The following SELENBP1 variants were observed in gnomAD, a reference collection of about 807,000 sequenced individuals.
SELENBP1 encodes methanethiol oxidase.
Under a neutral mutation model 61.0 loss-of-function variants are expected in SELENBP1, and 71 were observed. The ratio of observed to expected loss-of-function variants is 1.16; its 90% CI spans 0.96 to 1.42. The LOEUF is 1.42. SELENBP1 is among the 40% of genes most tolerant of loss of function. The pLI is 0.00. For missense variants in SELENBP1, 561 were observed against 605.0 expected, an observed-to-expected ratio of 0.93 and a Z score of 0.76; for synonymous variants, 270 against 238.9, an observed-to-expected ratio of 1.13 and a Z score of -1.20.
intron 1 of SELENBP1, among the ~76,000 whole-genome samples, chr1:151,371,952 G>A (rs1364903039): frequency 6.6e-6 from 1 of 152,254 alleles, no homozygotes; most frequent in African/African-American, 2.4e-5. Context: ...GGTTTTCCAT[G>A]TCAGGCTGGC....
At chr1:151,368,041 C>T (rs1440131787) in intron 5 of SELENBP1, among the ~76,000 whole-genome samples, 158 bp downstream of exon 5, 1 of 152,214 alleles carries the variant, frequency 6.6e-6, no homozygotes, top group Admixed American at 6.5e-5. Flanking sequence ...ACTGAAGTTA[C>T]TTGCTAACAT....
rs188188128 is a variant in SELENBP1 at position 151,368,940 on chromosome 1, C to A, written c.360+64G>T. The A allele has an allele frequency of 3.8e-4, 578 of 1,520,090 alleles. 1 individual carries two copies. In the East Asian group the frequency reaches 0.01, roughly 27 times the overall value. The allele number at this position is 1,520,090 out of a possible 1,614,324, so 94.2% of individuals were successfully genotyped here. A position where few individuals can be genotyped will look rare whatever the true frequency, so the allele number is the denominator to read the frequency against. Reference sequence around the variant, plus strand: ...GCTGGTTTAGGTCTGGCTTCCTGCCCGTAGACTACCTGGGGTGGCAGGTGT... The same window carrying A: ...GCTGGTTTAGGTCTGGCTTCCTGCCAGTAGACTACCTGGGGTGGCAGGTGT... On this transcript the variant is annotated intron_variant, in intron 4 of 11. Coordinates refer to ENST00000368868, the MANE Select transcript of SELENBP1 (RefSeq NM_003944.4).
At chr1:151,370,281 A>T in intron 1 of SELENBP1, 1 of 204,832 alleles carries the variant, frequency 4.9e-6, no homozygotes. Context: ...GCTGTTCTTG[A>T]GGAGCTGCTC....
At position 151,366,221 on chromosome 1, in the gene SELENBP1, G is replaced by A. The variant is rs930217182; in HGVS notation, c.843+54C>T. ...GAGCACCGTTACAGAAGCCTGCTTA[G>A]GTAGAGCTGCTGACAAGACTACTGG... On this transcript the variant is annotated intron_variant, in intron 7 of 11. Transcript: ENST00000368868. The A allele has an allele frequency of 3.2e-6, 5 of 1,579,298 alleles. No individual in the cohort carries two copies. In the African/African-American group the frequency reaches 4.1e-5, roughly 13 times the overall value.
At position 151,371,424 on chromosome 1, in the gene SELENBP1, A is replaced by T. The variant is rs58616056; in HGVS notation, c.4+1214T>A. 9.5e-3 allele frequency among the ~76,000 whole-genome samples: 1,439 copies of T among 151,978 alleles called. 24 individuals are homozygous for T. Among genetic ancestry groups the T allele is most frequent in the African/African-American group, 0.029 (1,205 of 41,406 alleles). On this transcript the variant is annotated intron_variant, in intron 1 of 11. Coordinates refer to ENST00000368868, the MANE Select transcript of SELENBP1 (RefSeq NM_003944.4). ...TGAAATTCTGACTAAAAAAAAAAAA[A>T]AATAATGAATTACTGTGTAAATATG...
At position 151,365,577 on chromosome 1, in the gene SELENBP1, G is replaced by A. The variant is rs774725499; in HGVS notation, c.1030C>T (p.Arg344Cys). The A allele has an allele frequency of 5.0e-6, 8 of 1,613,950 alleles. No individual in the cohort carries two copies. Among genetic ancestry groups the A allele is most frequent in the African/African-American group, 1.3e-5 (1 of 74,856 alleles). Residue 344 changes from arginine (R) to cysteine (C), a missense_variant, in exon 9 of 12, where the codon CGC becomes TGC. Physicochemically the swap from Arg to Cys is radical, Grantham distance 180. Coordinates refer to ENST00000368868, the MANE Select transcript of SELENBP1 (RefSeq NM_003944.4). ...QYDISDPQRPRLTGQLFLGGS... is the reference protein window; with the variant it reads ...QYDISDPQRPCLTGQLFLGGS... ...AGGGTCTCCACCTGTCCTGTGAGGC[G>A]GGGTCTCTGTGGGTCAGAGATGTCA...
rs141232881 is a variant in SELENBP1, at chr1:151,368,938, C to T, written c.360+66G>A. On this transcript the variant is annotated intron_variant, in intron 4 of 11. Transcript: ENST00000368868. ...CTGCTGGTTTAGGTCTGGCTTCCTG[C>T]CCGTAGACTACCTGGGGTGGCAGGT... is the stretch of plus-strand genomic sequence containing the variant. The T allele has an allele frequency of 7.2e-4, 1,090 of 1,515,274 alleles. 10 individuals are homozygous for T. In the African/African-American group the frequency reaches 0.012, roughly 17 times the overall value. 93.9% of individuals were successfully genotyped at this position (1,515,274 alleles called of 1,614,324 possible).
chr1:151,366,076 G>T, intron 7 of SELENBP1, 199 bp downstream of exon 7: 2 of 761,464 alleles, frequency 2.6e-6, no homozygotes, highest in Non-Finnish European at 4.3e-6. Context: ...CATTCACTAA[G>T]TAGTTTTTGA....
At chr1:151,365,540 G>A (rs1651763455) in intron 9 of SELENBP1, 23 bp downstream of exon 9, 1 of 1,613,408 alleles carries the variant, frequency 6.2e-7, no homozygotes, top group Non-Finnish European at 8.5e-7. Context: ...CTTCCCTTCT[G>A]CTCCTCCTGC....
Position 151,364,923 on chromosome 1 carries a change from C to T in SELENBP1, c.1256+3G>A, listed in dbSNP as rs1651717026. 6.2e-6 allele frequency: 10 copies of T among 1,612,680 alleles called. No individual in the cohort carries two copies. The highest frequency in any genetic ancestry group is 8.5e-6 in the Non-Finnish European group (10 of 1,178,756). ...GAGGAGAGCCCATGTGTCTGCTTCT[C>T]ACCTGATGAGATCAGGGTAAAACTG... On this transcript the variant is annotated splice_donor_region_variant and intron_variant, in intron 11 of 11. Transcript: ENST00000368868.
intron 2 of SELENBP1, 55 bp downstream of exon 2, chr1:151,369,658 C>T (rs1273793531): frequency 3.2e-6 from 5 of 1,544,958 alleles, no homozygotes; most frequent in Non-Finnish European, 4.4e-6. Context: ...AGTCCCTCCA[C>T]CCCCAGCTGT....
intron 7 of SELENBP1, 186 bp downstream of exon 7, chr1:151,366,089 G>A: frequency 2.5e-6 from 2 of 801,526 alleles, no homozygotes; most frequent in Non-Finnish European, 4.0e-6. Context: ...GTTTTTGAAT[G>A]AATGGATAAA....
intron 6 of SELENBP1, 51 bp downstream of exon 6, chr1:151,366,671 G>A: frequency 6.3e-7 from 1 of 1,588,324 alleles, no homozygotes; most frequent in Non-Finnish European, 8.6e-7. Context: ...GGAGCAGAAA[G>A]CAAGGGGATG....
At chr1:151,365,127 C>A in intron 10 of SELENBP1, 62 bp downstream of exon 10, 1 of 1,582,830 alleles carries the variant, frequency 6.3e-7, no homozygotes, top group Non-Finnish European at 8.7e-7. Flanking sequence ...CTCAGCTGCT[C>A]CCCCACATAT....
In SELENBP1 at chr1:151,368,206, A is replaced by G; in HGVS notation, c.474T>C (p.Asn158=). Residue 158 remains asparagine, a synonymous_variant, in exon 5 of 12, where the codon AAT becomes AAC. Transcript: ENST00000368868. Reference sequence around the variant, plus strand: ...CACAGTGCTGGCAGGTACCTTTGCCATTGCCCTTGACGTCTCCCAGGGAGC... The same window carrying G: ...CACAGTGCTGGCAGGTACCTTTGCCGTTGCCCTTGACGTCTCCCAGGGAGC... ...MISSLGDVKG[N]GKGGFVLLDG... is the part of the protein sequence containing the mutation. 1.2e-6 allele frequency: 2 copies of G among 1,614,020 alleles called. No individual in the cohort carries two copies. The highest frequency in any genetic ancestry group is 1.3e-5 in the African/African-American group (1 of 75,026).
chr1:151,372,546 C>T, intron 1 of SELENBP1, 92 bp downstream of exon 1: 2 of 1,535,050 alleles, frequency 1.3e-6, no homozygotes, highest in Non-Finnish European at 1.8e-6. Context: ...CCCAGCTCCC[C>T]ACTCAGGTTT....
rs761641672 is a variant in SELENBP1 at position 151,366,274 on chromosome 1, C to A, written c.843+1G>T. 7 of 1,612,064 alleles carry A rather than the reference C, an allele frequency of 4.3e-6. No homozygotes were observed. In the African/African-American group the frequency reaches 9.3e-5, roughly 22 times the overall value. ...GGGGAGGGCCAGAGGGCGTATGTCA[C>A]CTCGTTCTTGTAGAAGCGCTGGATG... is the stretch of plus-strand genomic sequence containing the variant. On this transcript the variant is annotated splice_donor_variant, in intron 7 of 11. Coordinates refer to ENST00000368868, the MANE Select transcript of SELENBP1 (RefSeq NM_003944.4). LOFTEE classifies it high-confidence loss of function.
At chr1:151,366,599 A>C (rs1180171498) in intron 6 of SELENBP1, 123 bp downstream of exon 6, 10 of 1,393,918 alleles carry the variant, frequency 7.2e-6, no homozygotes, top group South Asian at 2.6e-5. Flanking sequence ...CATGCGGTAC[A>C]TCCTATGCCA....
intron 1 of SELENBP1, among the ~76,000 whole-genome samples, chr1:151,371,893 G>T (rs1233225764): frequency 1.3e-5 from 2 of 152,162 alleles, no homozygotes; most frequent in African/African-American, 4.8e-5. Context: ...CTCAAGCAAG[G>T]TCTCGGAGCA....
Sources: allele counts gnomAD v4.1 joint callset (sites outside exome capture counted in the v4.1 genomes callset), GRCh38; gene constraint gnomAD v4.1.1; transcripts MANE v1.5; gene names NCBI Gene and HGNC (gene_info 2026-07-23, HGNC 2026-07-21).